Variants in STXBP4 observed in about 807,000 individuals in gnomAD.
STXBP4 encodes the protein syntaxin-binding protein 4.
Under a neutral mutation model 76.1 loss-of-function variants are expected in STXBP4, and 55 were observed. That is an observed-to-expected ratio of 0.72 (90% CI 0.58 to 0.91). The LOEUF (loss-of-function observed/expected upper bound fraction) is 0.91. STXBP4 is among the 40% of genes least tolerant of loss of function. The pLI, the probability that STXBP4 is intolerant of heterozygous loss-of-function variation, is 0.00. For missense variants in STXBP4, 618 were observed against 636.9 expected (o/e 0.97, Z 0.32); for synonymous variants, 201 against 220.2 (o/e 0.91, Z 0.77).
At position 55,073,190 on chromosome 17, in the gene STXBP4, A is replaced by G. The variant is rs773301553; in HGVS notation, c.1188+114A>G. The stretch of plus-strand genomic sequence containing the variant: ...TAAACTAGGTCAGTGTTTGTCTTCT[A>G]TTATTCAATGATAGGATGCTGTGTC... On this transcript the variant is annotated intron_variant, in intron 13 of 17. Coordinates refer to ENST00000376352, the MANE Select transcript of STXBP4 (RefSeq NM_178509.6). The G allele has an allele frequency of 7.4e-6, 7 of 939,648 alleles. No individual in the cohort carries two copies. The South Asian group carries it at 7.5e-5, about 10-fold the overall frequency. 58.2% of individuals were successfully genotyped at this position (939,648 alleles called of 1,614,324 possible). A position where few individuals can be genotyped will look rare whatever the true frequency, so the allele number is the denominator to read the frequency against.
rs551080555 is a variant in STXBP4 at position 55,149,943 on chromosome 17, C to T, written c.1547+8576C>T. On this transcript the variant is annotated intron_variant, in intron 17 of 17. Transcript: ENST00000376352. The stretch of plus-strand genomic sequence containing the variant: ...AAAGCCCCTTTTCCCCCTCATTTAA[C>T]CAATGACAGGTATAACACAGGCATG... Among the ~76,000 whole-genome samples, 6 of 152,264 alleles carry T rather than the reference C, an allele frequency of 3.9e-5. No individual in the cohort carries two copies. In the South Asian group the frequency reaches 1.2e-3, roughly 32 times the overall value.
Position 54,999,616 on chromosome 17 carries a change from T to C in STXBP4, c.288-16T>C. ...ATTCATAGCATATCCATAAAGTGAT[T>C]TCTTTTTAGTACTAGGTTAGAATCT... On this transcript the variant is annotated splice_polypyrimidine_tract_variant and intron_variant, in intron 5 of 17. Coordinates refer to ENST00000376352, the MANE Select transcript of STXBP4 (RefSeq NM_178509.6). 6.2e-7 allele frequency: 1 copy of C among 1,605,556 alleles called. No individual in the cohort carries two copies. Among genetic ancestry groups the C allele is most frequent in the Non-Finnish European group, 8.5e-7 (1 of 1,174,712 alleles).
chr17:55,209,050 C>G, the STXBP4 span, among the ~76,000 whole-genome samples: 2,658 of 152,120 alleles, frequency 0.017, 86 homozygotes, highest in African/African-American at 0.059. Context: ...CCACTGCTCT[C>G]CAGCCTGTGC....
the STXBP4 span, among the ~76,000 whole-genome samples, chr17:55,183,918 A>T: frequency 6.6e-6 from 1 of 152,340 alleles, no homozygotes; most frequent in African/African-American, 2.4e-5. Flanking sequence ...TTTTCATCAT[A>T]CCTTGCAGTA....
At chr17:55,194,167 A>G in the STXBP4 span, among the ~76,000 whole-genome samples, 2 of 152,146 alleles carry the variant, frequency 1.3e-5, no homozygotes, top group Admixed American at 1.3e-4. Flanking sequence ...AATGGACAGA[A>G]AAAGGTCATA....
intron 16 of STXBP4, among the ~76,000 whole-genome samples, chr17:55,122,910 T>C (rs2145095619): frequency 6.6e-6 from 1 of 152,286 alleles, no homozygotes; most frequent in Admixed American, 6.5e-5. Flanking sequence ...TTAAAGAACA[T>C]TATCTCAAAT....
At chr17:55,038,835 G>C (rs1325347950) in intron 10 of STXBP4, among the ~76,000 whole-genome samples, 1 of 151,906 alleles carries the variant, frequency 6.6e-6, no homozygotes, top group African/African-American at 2.4e-5. Flanking sequence ...TCACAGTTTG[G>C]GCTCTTGTTA....
chr17:55,024,967 C>T (rs1224398071), intron 8 of STXBP4, among the ~76,000 whole-genome samples: 3 of 151,824 alleles, frequency 2.0e-5, no homozygotes, highest in Non-Finnish European at 4.4e-5. Flanking sequence ...GAAACCCCAT[C>T]TCTACTAAAA....
intron 17 of STXBP4, among the ~76,000 whole-genome samples, chr17:55,148,829 G>C (rs936778952): frequency 6.6e-6 from 1 of 152,144 alleles, no homozygotes; most frequent in African/African-American, 2.4e-5. Flanking sequence ...CAAGCACCTA[G>C]CTTATTTTGG....
chr17:55,145,255 G>A (rs1396447864), intron 17 of STXBP4, among the ~76,000 whole-genome samples: 3 of 152,178 alleles, frequency 2.0e-5, no homozygotes, highest in African/African-American at 7.2e-5. Flanking sequence ...GCCTGTGTTA[G>A]CTTTTGAGGT....
intron 1 of STXBP4, among the ~76,000 whole-genome samples, chr17:54,969,676 C>T (rs2077357971): frequency 1.3e-5 from 2 of 152,180 alleles, no homozygotes; most frequent in Non-Finnish European, 2.9e-5. Flanking sequence ...ATGGCCAGAG[C>T]AGGTATAATT....
intron 16 of STXBP4, among the ~76,000 whole-genome samples, chr17:55,090,527 C>A (rs2079397431): frequency 6.6e-6 from 1 of 152,096 alleles, no homozygotes; most frequent in African/African-American, 2.4e-5. Flanking sequence ...ATCAAAGGGT[C>A]TACACATTCT....
chr17:55,005,949 T>G (rs911590545), intron 7 of STXBP4, among the ~76,000 whole-genome samples: 3 of 152,202 alleles, frequency 2.0e-5, no homozygotes, highest in Admixed American at 6.6e-5. Flanking sequence ...TATAAAAAAA[T>G]TATATGTGTA....
chr17:54,968,988 C>T (rs1399517980), intron 1 of STXBP4, among the ~76,000 whole-genome samples, 173 bp downstream of exon 1: 1 of 152,204 alleles, frequency 6.6e-6, no homozygotes, highest in Non-Finnish European at 1.5e-5. Context: ...ACCCGGCAGC[C>T]CCGGCGACGC....
At chr17:55,194,989 A>G in the STXBP4 span, among the ~76,000 whole-genome samples, 1 of 152,134 alleles carries the variant, frequency 6.6e-6, no homozygotes, top group African/African-American at 2.4e-5. Context: ...CTAAATATCA[A>G]TACCTGTGCA....
rs1287701865 is a variant in STXBP4 at position 55,145,016 on chromosome 17, G to A, written c.1547+3649G>A. Among the ~76,000 whole-genome samples the A allele has an allele frequency of 2.0e-5, 3 of 152,140 alleles. No homozygotes were observed. In the East Asian group the frequency reaches 5.8e-4, roughly 29 times the overall value. On this transcript the variant is annotated intron_variant, in intron 17 of 17. Transcript: ENST00000376352. ...GCCCAAAATAGACACTTTCAGCAAA[G>A]GTTAGCCCTCTTCACTCCCTCCCCT...
chr17:55,157,593 G>A (rs558088392), intron 17 of STXBP4, among the ~76,000 whole-genome samples: 1 of 152,166 alleles, frequency 6.6e-6, no homozygotes, highest in East Asian at 1.9e-4. Flanking sequence ...AAGATGCCTG[G>A]GCCTTGTCAC....
rs965942600 is a variant in STXBP4, at chr17:55,161,646, A to C, written c.*1735A>C. The C allele has an allele frequency of 6.6e-6, 1 of 152,196 alleles. No individual in the cohort carries two copies. Among genetic ancestry groups the C allele is most frequent in the Non-Finnish European group, 1.5e-5 (1 of 68,026 alleles). 9.4% of individuals were successfully genotyped at this position (152,196 alleles called of 1,614,324 possible). On this transcript the variant is annotated 3_prime_UTR_variant, in exon 18 of 18. Coordinates refer to ENST00000376352, the MANE Select transcript of STXBP4 (RefSeq NM_178509.6). ...CATCCATTAACTGCTGTTTTGTACCACTTGCCGCCCTGTTTCTGTCAAATA... is the reference window on the plus strand; with the variant it reads ...CATCCATTAACTGCTGTTTTGTACCCCTTGCCGCCCTGTTTCTGTCAAATA...
Position 55,043,450 on chromosome 17 carries a change from T to G in STXBP4, c.945+125T>G, listed in dbSNP as rs1205345553. On this transcript the variant is annotated intron_variant, in intron 11 of 17. Transcript: ENST00000376352. Reference sequence around the variant, plus strand: ...TTAATGGAAAAATATTAATATCAAATAGTAAAAATCAGATTCTTTATTCAG... The same window carrying G: ...TTAATGGAAAAATATTAATATCAAAGAGTAAAAATCAGATTCTTTATTCAG... 3 of 747,268 alleles carry G rather than the reference T, an allele frequency of 4.0e-6. No homozygotes were observed. In the African/African-American group the frequency reaches 5.5e-5, roughly 14 times the overall value. The allele number at this position is 747,268 out of a possible 1,614,324, so 46.3% of individuals were successfully genotyped here. A position where few individuals can be genotyped will look rare whatever the true frequency, so the allele number is the denominator to read the frequency against.
Sources: gnomAD v4.1 joint callset for allele counts (sites outside exome capture counted in the v4.1 genomes callset) on GRCh38, gnomAD v4.1.1 for gene constraint, MANE v1.5 for transcripts, NCBI Gene and HGNC (gene_info 2026-07-23, HGNC 2026-07-21) for gene names.